Variants in TCF4 observed in about 807,000 individuals in gnomAD.
TCF4 encodes transcription factor 4, also known as SL3-3 enhancer factor 2.
In TCF4, 3 loss-of-function variants were observed where a neutral mutation model predicts 82.1. That is an observed-to-expected ratio of 0.04 (90% CI 0.02 to 0.09). The LOEUF (loss-of-function observed/expected upper bound fraction) is 0.09. Ranked by LOEUF, TCF4 falls within the 10% of genes least tolerant of loss-of-function variation. The pLI is 1.00. For synonymous variants in TCF4, 276 were observed against 309.6 expected (o/e 0.89, Z 1.14); for missense variants, 518 against 852.7 (o/e 0.61, Z 4.89).
chr18:55,368,892 G>A (rs543883838), intron 6 of TCF4, among the ~76,000 whole-genome samples: 14 of 152,192 alleles, frequency 9.2e-5, no homozygotes, highest in Non-Finnish European at 1.5e-4. Context: ...AGTTCTTAAT[G>A]CTATTAAGAA....
intron 6 of TCF4, among the ~76,000 whole-genome samples, chr18:55,354,103 CCA>C (rs2082910243): frequency 2.0e-5 from 3 of 152,148 alleles, no homozygotes; most frequent in Admixed American, 2.0e-4. Context: ...GCTTAACTGT[CCA>C]CAGTGTGATG....
intron 15 of TCF4, among the ~76,000 whole-genome samples, chr18:55,243,812 C>G (rs964742131): frequency 6.6e-6 from 1 of 152,114 alleles, no homozygotes; most frequent in African/African-American, 2.4e-5. Context: ...GACCAAACGG[C>G]AAATTTCACA....
At chr18:55,334,881 T>C (rs954033244) in intron 8 of TCF4, among the ~76,000 whole-genome samples, 1 of 152,170 alleles carries the variant, frequency 6.6e-6, no homozygotes. Context: ...TCTAAACATA[T>C]CCTGACAAAT....
intron 8 of TCF4, among the ~76,000 whole-genome samples, chr18:55,348,652 G>A (rs897135493): frequency 6.6e-6 from 1 of 152,088 alleles, no homozygotes; most frequent in Non-Finnish European, 1.5e-5. Flanking sequence ...CATTTACAAC[G>A]AATTATGAAA....
chr18:55,496,930 G>C (rs571260322), intron 3 of TCF4, among the ~76,000 whole-genome samples: 3 of 142,934 alleles, frequency 2.1e-5, no homozygotes, highest in Non-Finnish European at 4.6e-5. Flanking sequence ...AAAGCCACAA[G>C]AGAATATATG....
At chr18:55,533,351 A>G (rs529801772) in intron 3 of TCF4, among the ~76,000 whole-genome samples, 12 of 152,264 alleles carry the variant, frequency 7.9e-5, no homozygotes, top group African/African-American at 2.9e-4. Context: ...GAATTGCTAT[A>G]AAACCTGAAA....
chr18:55,444,287 T>C (rs759199536), intron 5 of TCF4, among the ~76,000 whole-genome samples: 43 of 152,168 alleles, frequency 2.8e-4, no homozygotes, highest in Non-Finnish European at 5.4e-4. Flanking sequence ...AATGTATACA[T>C]GGAATCTTAG....
intron 5 of TCF4, among the ~76,000 whole-genome samples, chr18:55,436,508 G>A (rs4341827): frequency 0.54 from 81,683 of 152,108 alleles, 23,306 homozygotes; most frequent in South Asian, 0.63. Context: ...ACACAGAGGA[G>A]ACATTAACCA....
At chr18:55,452,194 T>C (rs2095637594) in intron 5 of TCF4, among the ~76,000 whole-genome samples, 1 of 152,104 alleles carries the variant, frequency 6.6e-6, no homozygotes, top group African/African-American at 2.4e-5. Context: ...TTCAATAGGG[T>C]TGGGAAACTT....
intron 5 of TCF4, among the ~76,000 whole-genome samples, chr18:55,408,817 TG>T (rs1037295836): frequency 4.5e-5 from 6 of 133,238 alleles, no homozygotes; most frequent in African/African-American, 1.8e-4. Flanking sequence ...GTTTAAACTC[TG>T]GGGGAAAAAA....
At chr18:55,393,968 T>C (rs1327853057) in intron 6 of TCF4, among the ~76,000 whole-genome samples, 5 of 152,200 alleles carry the variant, frequency 3.3e-5, no homozygotes, top group Non-Finnish European at 7.3e-5. Flanking sequence ...CAATGGCAGA[T>C]GTGTCTCGAT....
chr18:55,616,630 TTTC>T (rs2097712403), intron 2 of TCF4, among the ~76,000 whole-genome samples: 1 of 152,120 alleles, frequency 6.6e-6, no homozygotes, highest in Admixed American at 6.5e-5. Context: ...ACATTTATCT[TTTC>T]TTTTTTTAAT....
chr18:55,451,115 AC>A (rs2095614495), intron 5 of TCF4, among the ~76,000 whole-genome samples: 1 of 152,192 alleles, frequency 6.6e-6, no homozygotes, highest in Admixed American at 6.5e-5. Context: ...AACATTCTAT[AC>A]TACCTCCACC....
chr18:55,548,607 G>A (rs2097227889), intron 3 of TCF4, among the ~76,000 whole-genome samples: 1 of 151,946 alleles, frequency 6.6e-6, no homozygotes, highest in African/African-American at 2.4e-5. Context: ...AGGTGATTTC[G>A]TCATTGTGAG....
chr18:55,232,624 C>G lies in TCF4; in HGVS notation c.1534G>C (p.Glu512Gln), dbSNP rs765253165. ...QGQSVSSGSSEIKSDDEGDEN... is the reference protein window; with the variant it reads ...QGQSVSSGSSQIKSDDEGDEN... ...TCACCCTCGTCATCGGATTTGATCT[C>G]AGAGCTGCCAGAGGAGACACTCTGC... The change falls in exon 17 of 20, where the codon GAG (glutamate) becomes CAG (glutamine). Residue 512 changes from glutamate to glutamine, a missense_variant. Coordinates refer to ENST00000354452, the MANE Select transcript of TCF4 (RefSeq NM_001083962.2). The G allele has an allele frequency of 6.2e-7, 1 of 1,614,160 alleles. No individual in the cohort carries two copies. The highest frequency in any genetic ancestry group is 2.2e-5 in the East Asian group (1 of 44,884).
At chr18:55,608,165 A>G (rs1442452037) in intron 2 of TCF4, among the ~76,000 whole-genome samples, 2 of 152,190 alleles carry the variant, frequency 1.3e-5, no homozygotes, top group Admixed American at 6.6e-5. Flanking sequence ...AAAATTCTCA[A>G]AATTTATTTT....
Position 55,223,152 on chromosome 18 carries a change from A to G in TCF4, c.*4883T>C, listed in dbSNP as rs2046089821. 6.6e-6 allele frequency: 1 copy of G among 152,182 alleles called. No homozygotes were observed. The highest frequency in any genetic ancestry group is 2.1e-4 in the South Asian group (1 of 4,824). The allele number at this position is 152,182 out of a possible 1,614,324, so 9.4% of individuals were successfully genotyped here. On this transcript the variant is annotated 3_prime_UTR_variant, in exon 20 of 20. Transcript: ENST00000354452. Reference sequence around the variant, plus strand: ...ACTGGTGCAGTTCAGAGCTCTTCAAATGCATAGCTTCAGTGTTACACACAC... The same window carrying G: ...ACTGGTGCAGTTCAGAGCTCTTCAAGTGCATAGCTTCAGTGTTACACACAC...
intron 3 of TCF4, among the ~76,000 whole-genome samples, chr18:55,472,880 T>C (rs2096215136): frequency 6.6e-6 from 1 of 152,160 alleles, no homozygotes; most frequent in South Asian, 2.1e-4. Context: ...CTTCTAAAGA[T>C]ATATCACAGA....
chr18:55,426,118 TACACACACACAC>T (rs58725679), intron 5 of TCF4, among the ~76,000 whole-genome samples: 1 of 145,156 alleles, frequency 6.9e-6, no homozygotes, highest in African/African-American at 2.6e-5. Flanking sequence ...TATATATATA[TACACACACACAC>T]ACACATATAT....
Sources: gnomAD v4.1 joint callset for allele counts (sites outside exome capture counted in the v4.1 genomes callset) on GRCh38, gnomAD v4.1.1 for gene constraint, MANE v1.5 for transcripts, NCBI Gene and HGNC (gene_info 2026-07-23, HGNC 2026-07-21) for gene names.